Variants in ITGA1 observed in about 807,000 individuals in gnomAD.
ITGA1 encodes integrin subunit alpha 1.
Under a neutral mutation model 145.9 loss-of-function variants are expected in ITGA1, and 85 were observed. That is an observed-to-expected ratio of 0.58 (90% confidence interval 0.49 to 0.70). The LOEUF is 0.70. Ranked by LOEUF, ITGA1 falls within the 30% of genes least tolerant of loss-of-function variation. The probability of loss-of-function intolerance (pLI) is 0.00; values close to 1 mark genes in which losing one functional copy is unlikely to be tolerated. For synonymous variants in ITGA1, 520 were observed against 495.3 expected, an observed-to-expected ratio of 1.05 and a Z score of -0.66; for missense variants, 1,351 against 1,418.7, an observed-to-expected ratio of 0.95 and a Z score of 0.77.
At chr5:52,820,080 G>A (rs1355857208) in intron 1 of ITGA1, among the ~76,000 whole-genome samples, 1 of 151,982 alleles carries the variant, frequency 6.6e-6, no homozygotes, top group Non-Finnish European at 1.5e-5. Context: ...CAGGTAGCAT[G>A]ATGCCTCCAG....
intron 20 of ITGA1, among the ~76,000 whole-genome samples, chr5:52,928,029 T>C (rs1429263643): frequency 6.6e-6 from 1 of 152,152 alleles, no homozygotes; most frequent in Non-Finnish European, 1.5e-5. Context: ...ACTGGGTGTT[T>C]CCAGACACTG....
In ITGA1 at chr5:52,832,785, G is replaced by GTGTC. The variant is rs748201274; in HGVS notation, c.62-16577_62-16576insCTGT. 4.1e-3 allele frequency among the ~76,000 whole-genome samples: 599 copies of GTGTC among 145,640 alleles called. 7 individuals carry two copies. The highest frequency in any genetic ancestry group is 5.8e-3 in the Non-Finnish European group (385 of 66,582). ...TAAATCTGTGTGTGTGTGTGTGTGT[G>GTGTC]TGTGTGTGTGTGTGTGTGTGTGTGT... On this transcript the variant is annotated intron_variant, in intron 1 of 28. Coordinates refer to ENST00000282588, the MANE Select transcript of ITGA1 (RefSeq NM_181501.2).
chr5:52,937,262 C>A, intron 23 of ITGA1, 139 bp from the exon 24 acceptor site: 2 of 649,046 alleles, frequency 3.1e-6, no homozygotes, highest in South Asian at 3.7e-5. Flanking sequence ...CTGTACAGCA[C>A]CATAAAGGAT....
chr5:52,838,352 C>T (rs1749196408), intron 1 of ITGA1, among the ~76,000 whole-genome samples: 1 of 152,128 alleles, frequency 6.6e-6, no homozygotes, highest in Non-Finnish European at 1.5e-5. Context: ...CTAGTTAAAG[C>T]TACTAGGTGA....
At chr5:52,820,183 C>T (rs1748853382) in intron 1 of ITGA1, among the ~76,000 whole-genome samples, 1 of 151,768 alleles carries the variant, frequency 6.6e-6, no homozygotes, top group African/African-American at 2.4e-5. Context: ...CCATGGAATA[C>T]TATGCAGTCA....
At chr5:52,944,872 C>A in intron 26 of ITGA1, 71 bp from the exon 27 acceptor site, 1 of 1,010,212 alleles carries the variant, frequency 9.9e-7, no homozygotes, top group Non-Finnish European at 1.5e-6. Flanking sequence ...TATAAATGTC[C>A]TACTCAAACA....
intron 12 of ITGA1, 132 bp downstream of exon 12, chr5:52,906,040 A>G (rs957209482): frequency 1.1e-5 from 8 of 709,152 alleles, no homozygotes; most frequent in South Asian, 2.2e-5. Flanking sequence ...GCCCTGTGTT[A>G]GGTTCTTTGG....
At chr5:52,816,202 T>C (rs1190017636) in intron 1 of ITGA1, among the ~76,000 whole-genome samples, 1 of 152,182 alleles carries the variant, frequency 6.6e-6, no homozygotes, top group African/African-American at 2.4e-5. Context: ...TATGCTAAAT[T>C]TAAACTTAAT....
intron 1 of ITGA1, among the ~76,000 whole-genome samples, chr5:52,817,451 G>T (rs1433765402): frequency 1.3e-5 from 2 of 152,146 alleles, no homozygotes; most frequent in Admixed American, 1.3e-4. Context: ...GGAGTGATCT[G>T]GTTACAAGCT....
At position 52,929,661 on chromosome 5, in the gene ITGA1, T is replaced by G. The variant is rs1231224380; in HGVS notation, c.2731T>G (p.Tyr911Asp). The change falls in exon 21 of 29, where the codon TAT (tyrosine) becomes GAT (aspartate). Residue 911 changes from tyrosine (Y) to aspartate (D), a missense_variant. Physicochemically the swap from Tyr to Asp is radical, Grantham distance 160. Coordinates refer to ENST00000282588, the MANE Select transcript of ITGA1 (RefSeq NM_181501.2). ...AATATTGTTTCAGTTTAACACATCC[T>G]ATCTCATGGAAAATGTGACCATTTA... is the stretch of plus-strand genomic sequence containing the variant. ...FKILFQFNTSYLMENVTIYLS... is the reference protein window; with the variant it reads ...FKILFQFNTSDLMENVTIYLS... 1.3e-6 allele frequency: 2 copies of G among 1,592,074 alleles called. No individual in the cohort carries two copies. The highest frequency in any genetic ancestry group is 1.7e-6 in the Non-Finnish European group (2 of 1,162,616).
At chr5:52,865,910 ATAAAAC>A in intron 6 of ITGA1, 93 bp downstream of exon 6, 1 of 1,022,018 alleles carries the variant, frequency 9.8e-7, no homozygotes, top group East Asian at 2.9e-5. Flanking sequence ...AAATTAATCA[ATAAAAC>A]TAAAGTTGAG....
At chr5:52,905,968 C>A in intron 12 of ITGA1, 60 bp downstream of exon 12, 1 of 1,459,832 alleles carries the variant, frequency 6.9e-7, no homozygotes, top group Non-Finnish European at 9.4e-7. Context: ...TGTATATTTA[C>A]TGTCTATTGT....
intron 26 of ITGA1, among the ~76,000 whole-genome samples, chr5:52,940,965 T>C (rs951642851): frequency 6.6e-6 from 1 of 152,190 alleles, no homozygotes; most frequent in East Asian, 1.9e-4. Context: ...TGGTGTCTAC[T>C]GTTCCCATCT....
At chr5:52,865,666 G>GC (rs11427012) in intron 5 of ITGA1, 24 bp from the exon 6 acceptor site, 656,275 of 1,479,980 alleles carry the variant, frequency 0.44, 148,994 homozygotes, top group East Asian at 0.66. Flanking sequence ...TTCCAAATTT[G>GC]ACAATTGACT....
intron 1 of ITGA1, chr5:52,801,179 T>A: frequency 6.8e-7 from 1 of 1,473,968 alleles, no homozygotes; most frequent in Non-Finnish European, 9.1e-7. Context: ...TATAAACTAC[T>A]CCTAAAGTTT....
At chr5:52,877,374 C>G (rs370894541) in intron 6 of ITGA1, among the ~76,000 whole-genome samples, 1 of 151,974 alleles carries the variant, frequency 6.6e-6, no homozygotes, top group African/African-American at 2.4e-5. Context: ...AGGTAGGAGG[C>G]GAGACTTGAC....
intron 1 of ITGA1, among the ~76,000 whole-genome samples, chr5:52,815,642 C>T (rs1748754285): frequency 6.6e-6 from 1 of 152,130 alleles, no homozygotes; most frequent in Non-Finnish European, 1.5e-5. Context: ...ATAGGGATCT[C>T]CTTCCCTATG....
intron 6 of ITGA1, among the ~76,000 whole-genome samples, chr5:52,879,733 G>A (rs1486171437): frequency 6.6e-6 from 1 of 151,958 alleles, no homozygotes; most frequent in Non-Finnish European, 1.5e-5. Flanking sequence ...GGGTCTTTTG[G>A]TCACCTTTAT....
At chr5:52,935,841 A>T (rs1750958757) in intron 23 of ITGA1, among the ~76,000 whole-genome samples, 1 of 152,224 alleles carries the variant, frequency 6.6e-6, no homozygotes, top group Admixed American at 6.5e-5. Flanking sequence ...AACCTACACT[A>T]AAATGTTACC....
Sources: allele counts gnomAD v4.1 joint callset (sites outside exome capture counted in the v4.1 genomes callset), GRCh38; gene constraint gnomAD v4.1.1; transcripts MANE v1.5; gene names NCBI Gene and HGNC (gene_info 2026-07-23, HGNC 2026-07-21).